Variants in AKAP9 observed in about 807,000 individuals in gnomAD.
AKAP9 encodes the protein A-kinase anchoring protein 9.
In AKAP9, 311 loss-of-function variants were observed where a neutral mutation model predicts 488.5. The ratio of observed to expected loss-of-function variants is 0.64; its 90% CI spans 0.58 to 0.70. The LOEUF (loss-of-function observed/expected upper bound fraction) is 0.70, where lower values mean the gene tolerates loss of function less well. Among genes scored for constraint, AKAP9 ranks in the 30% least tolerant of loss-of-function variants. The pLI, the probability that AKAP9 is intolerant of heterozygous loss-of-function variation, is 0.00. For missense variants in AKAP9, 4,215 were observed against 4,374.5 expected, an observed-to-expected ratio of 0.96 and a Z score of 1.03; for synonymous variants, 1,462 against 1,483.5, an observed-to-expected ratio of 0.99 and a Z score of 0.33.
chr7:92,068,330 C>T (rs1811095151), intron 26 of AKAP9, among the ~76,000 whole-genome samples: 1 of 140,700 alleles, frequency 7.1e-6, no homozygotes, highest in Non-Finnish European at 1.5e-5. Flanking sequence ...CACGCCACTG[C>T]ACTCCAGCCT....
intron 1 of AKAP9, among the ~76,000 whole-genome samples, chr7:91,958,888 T>C (rs1793379959): frequency 1.3e-5 from 2 of 151,780 alleles, no homozygotes; most frequent in Non-Finnish European, 2.9e-5. Flanking sequence ...ATTATTATTA[T>C]TATTATTATT....
chr7:91,948,811 A>C (rs1791835807), intron 1 of AKAP9, among the ~76,000 whole-genome samples: 3 of 150,622 alleles, frequency 2.0e-5, no homozygotes, highest in African/African-American at 7.4e-5. Flanking sequence ...ATGGGGTTTC[A>C]CCATGTTGGC....
chr7:92,070,849 C>G, intron 27 of AKAP9, 56 bp from the exon 28 acceptor site: 2 of 704,176 alleles, frequency 2.8e-6, no homozygotes, highest in Non-Finnish European at 2.1e-6. Flanking sequence ...CAAAAAAAAA[C>G]TGGATAATCA....
At chr7:92,064,856 C>T (rs992715548) in intron 24 of AKAP9, among the ~76,000 whole-genome samples, 1 of 151,690 alleles carries the variant, frequency 6.6e-6, no homozygotes, top group Admixed American at 6.6e-5. Flanking sequence ...TTGCTTTTTG[C>T]CTGAGGTGAA....
intron 8 of AKAP9, among the ~76,000 whole-genome samples, chr7:92,011,623 A>G (rs570562731): frequency 2.0e-4 from 31 of 151,934 alleles, no homozygotes; most frequent in Non-Finnish European, 4.0e-4. Context: ...ATCATAATAG[A>G]CAGTATGGTT....
chr7:91,977,776 A>AT (rs1795891612), intron 2 of AKAP9, among the ~76,000 whole-genome samples: 1 of 152,244 alleles, frequency 6.6e-6, no homozygotes, highest in Admixed American at 6.5e-5. Context: ...AAGGTATATT[A>AT]TTTATTTTTT....
intron 36 of AKAP9, 102 bp from the exon 37 acceptor site, chr7:92,086,126 C>T (rs1445508527): frequency 5.1e-6 from 5 of 980,356 alleles, no homozygotes; most frequent in South Asian, 1.5e-5. Flanking sequence ...AGTACACATG[C>T]TCCTAGGCTT....
chr7:92,004,926 T>C (rs914404848), intron 8 of AKAP9, among the ~76,000 whole-genome samples: 6 of 152,188 alleles, frequency 3.9e-5, no homozygotes, highest in Non-Finnish European at 7.3e-5. Context: ...CCGGTTTTTG[T>C]CCATTCAGTA....
rs1198599178 is a variant in AKAP9, at chr7:92,095,018, C to G, written c.9579-5C>G. The G allele has an allele frequency of 6.8e-6, 11 of 1,613,524 alleles. No individual in the cohort carries two copies. In the South Asian group the frequency reaches 1.2e-4, roughly 18 times the overall value. On this transcript the variant is annotated splice_region_variant and splice_polypyrimidine_tract_variant and intron_variant, in intron 39 of 49. Transcript: ENST00000356239. The stretch of plus-strand genomic sequence containing the variant: ...TATGGAAATTCATTTGTCTTTCTGA[C>G]TTAGGTTGGAAGTTAAAGATAAGAC...
chr7:92,002,526 G>T lies in AKAP9; in HGVS notation c.2609G>T (p.Cys870Phe). 6.2e-7 allele frequency: 1 copy of T among 1,610,596 alleles called. No individual in the cohort carries two copies. Among genetic ancestry groups the T allele is most frequent in the South Asian group, 1.1e-5 (1 of 90,138 alleles). ...NYQELQEEYA[C>F]LLKVKDDLED... is the part of the protein sequence containing the mutation. The stretch of plus-strand genomic sequence containing the variant: ...CAAGAGTTACAAGAGGAGTATGCTT[G>T]CCTTCTCAAAGTAAAAGATGATTTA... The change falls in exon 8 of 50, where the codon TGC becomes TTC. Residue 870 changes from cysteine to phenylalanine, a missense_variant. Cys to Phe is a radical substitution (Grantham distance 205). Around this residue, in one of 5 missense-constraint regions of AKAP9, gnomAD observed 2,361 missense variants for 2,430.0 expected, o/e 0.97. Coordinates refer to ENST00000356239, the MANE Select transcript of AKAP9 (RefSeq NM_005751.5).
At chr7:92,108,426 G>A in intron 48 of AKAP9, 68 bp from the exon 49 acceptor site, 5 of 1,537,122 alleles carry the variant, frequency 3.3e-6, no homozygotes, top group Non-Finnish European at 4.5e-6. Flanking sequence ...AGGGAGTGGA[G>A]GCAGGTTGGT....
chr7:92,018,983 AGAAACTTGG>A (rs1474257228), intron 12 of AKAP9, among the ~76,000 whole-genome samples: 1 of 152,198 alleles, frequency 6.6e-6, no homozygotes, highest in African/African-American at 2.4e-5. Flanking sequence ...ACATTCAACC[AGAAACTTGG>A]GGATTGTCTT....
chr7:92,048,030 T>C (rs1272840861), intron 21 of AKAP9, among the ~76,000 whole-genome samples: 1 of 152,150 alleles, frequency 6.6e-6, no homozygotes, highest in Admixed American at 6.5e-5. Context: ...TTTAAAATTT[T>C]TAATTTTTAT....
intron 26 of AKAP9, 56 bp from the exon 27 acceptor site, chr7:92,069,974 C>A: frequency 6.6e-7 from 1 of 1,511,248 alleles, no homozygotes; most frequent in Non-Finnish European, 9.1e-7. Flanking sequence ...TCAACCTATA[C>A]TAACTAGCTT....
At chr7:92,020,211 A>G (rs1382787582) in intron 12 of AKAP9, among the ~76,000 whole-genome samples, 1 of 152,154 alleles carries the variant, frequency 6.6e-6, no homozygotes, top group African/African-American at 2.4e-5. Flanking sequence ...ATCACTGTGT[A>G]ACCTTTTGGC....
In AKAP9 at chr7:92,099,668, C is replaced by A. The variant is rs770211331; in HGVS notation, c.10714-19C>A. On this transcript the variant is annotated intron_variant, in intron 43 of 49. Transcript: ENST00000356239. ...ATCCATTTGTGCTTAAGTGACCTTA[C>A]ACCATTTTATTTTTCCAGCCCAGCT... The A allele has an allele frequency of 2.5e-6, 4 of 1,613,408 alleles. No homozygotes were observed. In the African/African-American group the frequency reaches 4.0e-5, roughly 16 times the overall value.
chr7:92,097,071 T>A lies in AKAP9; in HGVS notation c.10112T>A (p.Leu3371Gln). Residue 3371 changes from leucine to glutamine, a missense_variant, in exon 41 of 50, where the codon CTG becomes CAG. Leu to Gln is a moderately radical substitution (Grantham distance 113). Transcript: ENST00000356239. The part of the protein sequence containing the change: ...ELLNETEKYK[L>Q]DSLQTRQQME... ...TTAAATGAGACTGAAAAATATAAAC[T>A]GGATTCTTTGCAAACACGACAGCAA... 1 of 1,614,088 alleles carries A rather than the reference T, an allele frequency of 6.2e-7. No homozygotes were observed. Among genetic ancestry groups the A allele is most frequent in the Non-Finnish European group, 8.5e-7 (1 of 1,180,026 alleles).
At chr7:92,005,375 G>A (rs957068597) in intron 8 of AKAP9, among the ~76,000 whole-genome samples, 16 of 152,170 alleles carry the variant, frequency 1.1e-4, no homozygotes, top group African/African-American at 3.9e-4. Context: ...TAGAGCAATT[G>A]TAAAGACACG....
At chr7:92,035,636 G>A (rs1805069767) in intron 16 of AKAP9, among the ~76,000 whole-genome samples, 1 of 152,088 alleles carries the variant, frequency 6.6e-6, no homozygotes, top group Non-Finnish European at 1.5e-5. Context: ...AAAAAAATAG[G>A]CAGTCCACCC....
Sources: allele counts gnomAD v4.1 joint callset (sites outside exome capture counted in the v4.1 genomes callset), GRCh38; gene constraint gnomAD v4.1.1; regional missense constraint gnomAD v4.1.1; transcripts MANE v1.5; gene names NCBI Gene and HGNC (gene_info 2026-07-23, HGNC 2026-07-21).